The following PUM1 variants were observed in gnomAD, a reference collection of about 807,000 sequenced individuals.
PUM1 encodes pumilio homolog 1.
A neutral mutation model predicts 131.8 loss-of-function variants in PUM1; 13 were observed. The observed-to-expected ratio is 0.10, with a 90% CI of 0.06 to 0.16. PUM1 has a LOEUF of 0.16. Among genes scored for constraint, PUM1 ranks in the 10% least tolerant of loss-of-function variants. The pLI, the probability that PUM1 is intolerant of heterozygous loss-of-function variation, is 1.00. For missense variants in PUM1, 961 were observed against 1,512.4 expected, an observed-to-expected ratio of 0.64 and a Z score of 6.05; for synonymous variants, 509 against 556.5, an observed-to-expected ratio of 0.91 and a Z score of 1.20.
rs1278968223 is a variant in PUM1, at chr1:31,022,854, T to C, written c.432+5942A>G. Among the ~76,000 whole-genome samples the C allele has an allele frequency of 2.0e-5, 3 of 152,180 alleles. No homozygotes were observed. In the East Asian group the frequency reaches 5.8e-4, roughly 29 times the overall value. On this transcript the variant is annotated intron_variant, in intron 3 of 21. Transcript: ENST00000426105. ...AAAGTTAAGGGAACTAGGGTGTTTTTACTATTCCTATTGTACGTGAAAGCT... is the reference window on the plus strand; with the variant it reads ...AAAGTTAAGGGAACTAGGGTGTTTTCACTATTCCTATTGTACGTGAAAGCT...
chr1:31,042,656 G>A (rs1386204482), intron 2 of PUM1, among the ~76,000 whole-genome samples: 2 of 152,136 alleles, frequency 1.3e-5, no homozygotes, highest in African/African-American at 4.8e-5. Flanking sequence ...ATGGACAAGA[G>A]CAAAGCATAC....
intron 10 of PUM1, among the ~76,000 whole-genome samples, chr1:30,971,745 A>G (rs1640879103): frequency 6.6e-6 from 1 of 152,196 alleles, no homozygotes; most frequent in Admixed American, 6.5e-5. Flanking sequence ...TACAACTATC[A>G]TAATAAGAGA....
At chr1:30,938,739 C>A (rs544491240) in intron 20 of PUM1, among the ~76,000 whole-genome samples, 176 of 152,190 alleles carry the variant, frequency 1.2e-3, no homozygotes, top group African/African-American at 4.0e-3. Flanking sequence ...GTGGCGGACA[C>A]CTGTAGTCCC....
At position 30,999,606 on chromosome 1, in the gene PUM1, C is replaced by CAAAAAAAAAA. The variant is rs56936440; in HGVS notation, c.721-4396_721-4387dup. On this transcript the variant is annotated intron_variant, in intron 5 of 21. Transcript: ENST00000426105. ...TGGGTGACAGAGCAAGACTCTGTCTCAAAAAAAAAAAAAAAAAAAAAAAAA... is the reference window on the plus strand; with the variant it reads ...TGGGTGACAGAGCAAGACTCTGTCTCAAAAAAAAAAAAAAAAAAAAAAAAAAAAAAAAAAA... Among the ~76,000 whole-genome samples, 18 of 53,976 alleles carry CAAAAAAAAAA rather than the reference C, an allele frequency of 3.3e-4. 1 individual carries two copies. The highest frequency in any genetic ancestry group is 9.7e-4 in the African/African-American group (14 of 14,444). The allele number at this position is 53,976 out of a possible 152,430, so 35.4% of individuals were successfully genotyped here.
At chr1:30,961,213 A>T (rs1186603792) in intron 14 of PUM1, among the ~76,000 whole-genome samples, 1 of 151,758 alleles carries the variant, frequency 6.6e-6, no homozygotes, top group Non-Finnish European at 1.5e-5. Flanking sequence ...ATAAAATAAA[A>T]TAAAGAAAAA....
chr1:30,975,360 T>TGC, intron 9 of PUM1, among the ~76,000 whole-genome samples: 1 of 150,756 alleles, frequency 6.6e-6, no homozygotes, highest in South Asian at 2.1e-4. Flanking sequence ...TTTTTTGTTT[T>TGC]TTTGTTTTTT....
intron 9 of PUM1, among the ~76,000 whole-genome samples, chr1:30,977,530 T>C (rs193210002): frequency 6.4e-4 from 97 of 152,348 alleles, no homozygotes; most frequent in African/African-American, 2.2e-3. Flanking sequence ...AGGTTAAATT[T>C]AGGAAAACAT....
At chr1:31,043,163 G>T (rs567308129) in intron 2 of PUM1, among the ~76,000 whole-genome samples, 4 of 152,264 alleles carry the variant, frequency 2.6e-5, no homozygotes, top group South Asian at 2.1e-4. Context: ...ACAACTGGGT[G>T]GGGGAAGCAA....
At chr1:30,967,138 G>A (rs1482719930) in intron 12 of PUM1, 29 bp downstream of exon 12, 6 of 1,608,962 alleles carry the variant, frequency 3.7e-6, no homozygotes, top group Non-Finnish European at 4.3e-6. Context: ...TTAGATCTCT[G>A]GCAGGAGTCC....
chr1:31,062,063 G>C (rs559428929), intron 1 of PUM1: 3 of 152,198 alleles, frequency 2.0e-5, no homozygotes, highest in Non-Finnish European at 2.9e-5. Flanking sequence ...CTAAGGTACA[G>C]GAGGAAAATG....
At chr1:31,030,768 A>C (rs1424022739) in intron 2 of PUM1, among the ~76,000 whole-genome samples, 1 of 152,176 alleles carries the variant, frequency 6.6e-6, no homozygotes, top group African/African-American at 2.4e-5. Context: ...ATATCACCTA[A>C]GAATCTTAAC....
rs775379633 is a variant in PUM1, at chr1:30,974,692, T to C, written c.1465A>G (p.Asn489Asp). The C allele has an allele frequency of 6.2e-7, 1 of 1,610,614 alleles. No individual in the cohort carries two copies. Among genetic ancestry groups the C allele is most frequent in the Non-Finnish European group, 8.5e-7 (1 of 1,179,062 alleles). The change falls in exon 10 of 22, where the codon AAT (asparagine) becomes GAT (aspartate). Residue 489 changes from asparagine (N) to aspartate (D), a missense_variant. Asn to Asp is a conservative substitution (Grantham distance 23). Around this residue, in one of 4 missense-constraint regions of PUM1, gnomAD observed 654 missense variants for 923.9 expected, o/e 0.71. Coordinates refer to ENST00000426105, the MANE Select transcript of PUM1 (RefSeq NM_001020658.2). ...TGAGCCTGTGGGGTGGTCTGTTGAT[T>C]AGCTGAATTAGTTGCTGCAGCGGCA... ...AAAAAATNSANQQTTPQAQQG... is the reference protein window; with the variant it reads ...AAAAAATNSADQQTTPQAQQG...
intron 2 of PUM1, among the ~76,000 whole-genome samples, chr1:31,033,348 G>T (rs958305712): frequency 6.8e-6 from 1 of 146,212 alleles, no homozygotes; most frequent in South Asian, 2.2e-4. Context: ...GAGACTATAG[G>T]TATGTGCCAC....
chr1:30,995,109 T>C lies in PUM1; in HGVS notation c.832A>G (p.Lys278Glu). ...DLKEEGDVMD[K>E]TNGLPVQNGI... ...TTCTGCACTGGTAAACCATTGGTCT[T>C]GTCCATCACATCACCCTCCTCCTTC... Residue 278 changes from lysine (K) to glutamate (E), a missense_variant, in exon 6 of 22, where the codon AAG becomes GAG. Lys to Glu is a moderately conservative substitution (Grantham distance 56, BLOSUM62 1). Transcript: ENST00000426105. 1.2e-6 allele frequency: 2 copies of C among 1,614,212 alleles called. No individual in the cohort carries two copies. The highest frequency in any genetic ancestry group is 1.7e-6 in the Non-Finnish European group (2 of 1,180,030).
At chr1:31,021,891 G>C (rs532030031) in intron 3 of PUM1, among the ~76,000 whole-genome samples, 107 of 151,986 alleles carry the variant, frequency 7.0e-4, no homozygotes, top group Admixed American at 5.8e-3. Flanking sequence ...TAAGAGATCT[G>C]GGTTCAAACA....
intron 3 of PUM1, among the ~76,000 whole-genome samples, chr1:31,013,191 AAC>A (rs942811549): frequency 3.9e-5 from 6 of 152,124 alleles, no homozygotes; most frequent in African/African-American, 1.4e-4. Flanking sequence ...ACCCCAACAA[AAC>A]AACACTACAA....
rs140255731 is a variant in PUM1 at position 30,985,631 on chromosome 1, C to T, written c.1159-4226G>A. 6.3e-3 allele frequency among the ~76,000 whole-genome samples: 666 copies of T among 105,460 alleles called. 4 individuals carry two copies. The highest frequency in any genetic ancestry group is 0.025 in the African/African-American group (611 of 24,470). 69.2% of individuals were successfully genotyped at this position (105,460 alleles called of 152,430 possible). ...GGCCATTGCACTCCAGCCTAAGCAACAAGAGTGAAACTCCATCTCAAAAAA... is the reference window on the plus strand; with the variant it reads ...GGCCATTGCACTCCAGCCTAAGCAATAAGAGTGAAACTCCATCTCAAAAAA... On this transcript the variant is annotated intron_variant, in intron 7 of 21. Coordinates refer to ENST00000426105, the MANE Select transcript of PUM1 (RefSeq NM_001020658.2).
At chr1:30,971,302 C>A (rs1338345272) in intron 10 of PUM1, among the ~76,000 whole-genome samples, 2 of 151,924 alleles carry the variant, frequency 1.3e-5, no homozygotes, top group Non-Finnish European at 2.9e-5. Context: ...GGCAGTTTAC[C>A]AAAAAAATCA....
chr1:31,012,057 T>A (rs1642639251), intron 3 of PUM1, among the ~76,000 whole-genome samples: 1 of 152,308 alleles, frequency 6.6e-6, no homozygotes, highest in East Asian at 1.9e-4. Flanking sequence ...GATAGTAGCT[T>A]AATTACACTG....
Sources: gnomAD v4.1 joint callset for allele counts (sites outside exome capture counted in the v4.1 genomes callset) on GRCh38, gnomAD v4.1.1 for gene constraint, gnomAD v4.1.1 regional missense constraint, MANE v1.5 for transcripts, NCBI Gene and HGNC (gene_info 2026-07-23, HGNC 2026-07-21) for gene names.